The following GPC5 variants were observed in gnomAD, a reference collection of about 807,000 sequenced individuals.
GPC5 encodes glypican 5.
Under a neutral mutation model 53.9 loss-of-function variants are expected in GPC5, and 47 were observed. The ratio of observed to expected loss-of-function variants is 0.87; its 90% CI spans 0.69 to 1.11. The LOEUF is 1.11. GPC5 is among the 50% of genes most tolerant of loss of function. The probability of loss-of-function intolerance (pLI) is 0.00; values close to 1 mark genes in which losing one functional copy is unlikely to be tolerated. For missense variants in GPC5, 748 were observed against 713.1 expected (o/e 1.05, Z -0.56); for synonymous variants, 286 against 263.3 (o/e 1.09, Z -0.84).
At chr13:92,415,691 G>A (rs965973730) in intron 7 of GPC5, among the ~76,000 whole-genome samples, 3 of 139,968 alleles carry the variant, frequency 2.1e-5, no homozygotes, top group African/African-American at 5.2e-5. Flanking sequence ...AAAAAAAAAA[G>A]AAGTAATAGC....
At chr13:91,790,032 C>A (rs2037939998) in intron 5 of GPC5, among the ~76,000 whole-genome samples, 1 of 152,200 alleles carries the variant, frequency 6.6e-6, no homozygotes, top group Non-Finnish European at 1.5e-5. Context: ...ATTAATTCCT[C>A]TTAAAGACTT....
At chr13:91,586,306 A>G (rs1412801647) in intron 2 of GPC5, among the ~76,000 whole-genome samples, 2 of 148,956 alleles carry the variant, frequency 1.3e-5, no homozygotes, top group Non-Finnish European at 3.0e-5. Context: ...ATGTAGGAAT[A>G]TAAGATTGTT....
At chr13:92,619,658 T>G (rs1884807123) in intron 7 of GPC5, among the ~76,000 whole-genome samples, 1 of 151,972 alleles carries the variant, frequency 6.6e-6, no homozygotes, top group African/African-American at 2.4e-5. Flanking sequence ...AAAAAATGAT[T>G]GTGAAACATC....
At chr13:92,357,326 C>T (rs951976152) in intron 7 of GPC5, among the ~76,000 whole-genome samples, 2 of 151,762 alleles carry the variant, frequency 1.3e-5, no homozygotes, top group East Asian at 1.9e-4. Flanking sequence ...AATTCACACT[C>T]CCACCAACAG....
chr13:92,785,348 G>A (rs1326016052), intron 7 of GPC5, among the ~76,000 whole-genome samples: 1 of 152,086 alleles, frequency 6.6e-6, no homozygotes, highest in African/African-American at 2.4e-5. Flanking sequence ...AAGTATGAAG[G>A]GAAGGGAACC....
At chr13:91,663,870 T>A (rs2035043161) in intron 2 of GPC5, among the ~76,000 whole-genome samples, 1 of 152,074 alleles carries the variant, frequency 6.6e-6, no homozygotes, top group South Asian at 2.1e-4. Context: ...ACAGATGGGG[T>A]CTTGCAATGT....
chr13:92,703,442 C>T (rs1433733956), intron 7 of GPC5, among the ~76,000 whole-genome samples: 1 of 151,468 alleles, frequency 6.6e-6, no homozygotes, highest in Non-Finnish European at 1.5e-5. Context: ...TCTGGAAAAG[C>T]AATATTATAT....
intron 4 of GPC5, among the ~76,000 whole-genome samples, chr13:91,733,521 T>C (rs1324552129): frequency 6.6e-6 from 1 of 151,942 alleles, no homozygotes; most frequent in African/African-American, 2.4e-5. Flanking sequence ...TGGTGTGTAG[T>C]TCTCCTTGAA....
intron 7 of GPC5, among the ~76,000 whole-genome samples, chr13:92,269,768 G>A (rs1007296972): frequency 4.6e-5 from 7 of 152,270 alleles, no homozygotes; most frequent in African/African-American, 1.7e-4. Flanking sequence ...TCGTCTTGTG[G>A]AACACAGAAG....
chr13:91,857,560 A>G (rs1280384507), intron 5 of GPC5, among the ~76,000 whole-genome samples: 3 of 150,546 alleles, frequency 2.0e-5, no homozygotes, highest in Non-Finnish European at 3.0e-5. Context: ...TGTTGTCTGT[A>G]CATAAAGATT....
At position 91,505,932 on chromosome 13, in the gene GPC5, G is replaced by T. The variant is rs954602923; in HGVS notation, c.325+57010G>T. On this transcript the variant is annotated intron_variant, in intron 2 of 7. Coordinates refer to ENST00000377067, the MANE Select transcript of GPC5 (RefSeq NM_004466.6). ...CCAAGGTTTTAAGCAGTTTAAAAGT[G>T]CAATATATTATTTTATTTTGCTTTT... Among the ~76,000 whole-genome samples, 5 of 151,954 alleles carry T rather than the reference G, an allele frequency of 3.3e-5. No homozygotes were observed. In the South Asian group the frequency reaches 1.0e-3, roughly 31 times the overall value.
intron 7 of GPC5, among the ~76,000 whole-genome samples, chr13:92,786,762 A>T (rs1876247006): frequency 6.6e-6 from 1 of 152,222 alleles, no homozygotes; most frequent in Non-Finnish European, 1.5e-5. Context: ...TCCCAGAGTC[A>T]TGAGTGCTGT....
At chr13:91,456,080 C>T (rs1286688763) in intron 2 of GPC5, among the ~76,000 whole-genome samples, 1 of 152,056 alleles carries the variant, frequency 6.6e-6, no homozygotes, top group Non-Finnish European at 1.5e-5. Flanking sequence ...TCCTCTCCTC[C>T]CCAGATAGTG....
In GPC5 at chr13:91,981,292, C is replaced by CT. The variant is rs77671844; in HGVS notation, c.1401+73250dup. 4.7e-3 allele frequency among the ~76,000 whole-genome samples: 666 copies of CT among 142,398 alleles called. 6 individuals carry two copies. Among genetic ancestry groups the CT allele is most frequent in the African/African-American group, 0.013 (505 of 39,218 alleles). The allele number at this position is 142,398 out of a possible 152,430, so 93.4% of individuals were successfully genotyped here. A position where few individuals can be genotyped will look rare whatever the true frequency, so the allele number is the denominator to read the frequency against. On this transcript the variant is annotated intron_variant, in intron 6 of 7. Transcript: ENST00000377067. Reference sequence around the variant, plus strand: ...AAAATTCGACCTCAAGAGTTCTTACCTTTTTTTTTTTTTTTGAGACGGAGT... The same window carrying CT: ...AAAATTCGACCTCAAGAGTTCTTACCTTTTTTTTTTTTTTTTGAGACGGAGT...
intron 2 of GPC5, among the ~76,000 whole-genome samples, chr13:91,602,897 A>G (rs7339074): frequency 0.044 from 6,661 of 152,278 alleles, 488 homozygotes; most frequent in African/African-American, 0.15. Flanking sequence ...ATCTCTAGCA[A>G]GGAACTAAGA....
chr13:92,355,490 T>A (rs1189464018), intron 7 of GPC5, among the ~76,000 whole-genome samples: 1 of 152,154 alleles, frequency 6.6e-6, no homozygotes, highest in African/African-American at 2.4e-5. Context: ...TGAGCCTCTG[T>A]GGGGCACATG....
chr13:92,016,912 C>T (rs1872545685), intron 6 of GPC5, among the ~76,000 whole-genome samples: 2 of 152,176 alleles, frequency 1.3e-5, no homozygotes, highest in South Asian at 2.1e-4. Flanking sequence ...TTCCCAATGG[C>T]CTCTACTGAT....
At chr13:91,702,652 T>A (rs894666910) in intron 3 of GPC5, among the ~76,000 whole-genome samples, 9 of 152,056 alleles carry the variant, frequency 5.9e-5, no homozygotes, top group Non-Finnish European at 1.2e-4. Flanking sequence ...AATTTTAGGA[T>A]TTTTTTCTCT....
intron 7 of GPC5, among the ~76,000 whole-genome samples, chr13:92,349,434 G>A (rs1040167148): frequency 6.7e-6 from 1 of 148,928 alleles, no homozygotes; most frequent in Non-Finnish European, 1.5e-5. Flanking sequence ...TGTTAGCCCC[G>A]CACCCAGCCA....
Sources: allele counts gnomAD v4.1 joint callset (sites outside exome capture counted in the v4.1 genomes callset), GRCh38; gene constraint gnomAD v4.1.1; transcripts MANE v1.5; gene names NCBI Gene and HGNC (gene_info 2026-07-23, HGNC 2026-07-21).